MAP2K4: variants seen among roughly 807,000 people sequenced by gnomAD.
The protein encoded by MAP2K4 is mitogen-activated protein kinase kinase 4.
MAP2K4 carries 4 observed loss-of-function variants against 48.5 expected under a neutral mutation model. The observed-to-expected ratio is 0.08, with a 90% CI of 0.04 to 0.19. The LOEUF is 0.19. Among genes scored for constraint, MAP2K4 ranks in the 10% least tolerant of loss-of-function variants. The pLI is 1.00. For synonymous variants in MAP2K4, 166 were observed against 173.1 expected (o/e 0.96, Z 0.32); for missense variants, 258 against 493.3 (o/e 0.52, Z 4.52).
At chr17:12,067,902 C>T (rs757711098) in intron 2 of MAP2K4, among the ~76,000 whole-genome samples, 1 of 151,938 alleles carries the variant, frequency 6.6e-6, no homozygotes, top group Non-Finnish European at 1.5e-5. Flanking sequence ...ATTATAATCA[C>T]CTACTTGCTA....
At chr17:12,051,689 C>A (rs191756247) in intron 1 of MAP2K4, among the ~76,000 whole-genome samples, 1 of 152,190 alleles carries the variant, frequency 6.6e-6, no homozygotes, top group East Asian at 1.9e-4. Flanking sequence ...GTATCACGTC[C>A]CTCCTTTCTC....
At chr17:12,137,992 C>T (rs942533605) in intron 9 of MAP2K4, among the ~76,000 whole-genome samples, 5 of 151,870 alleles carry the variant, frequency 3.3e-5, no homozygotes, top group African/African-American at 9.7e-5. Flanking sequence ...GAAGAGAAAA[C>T]AGATTATCTG....
chr17:12,076,616 A>G (rs1186553692), intron 2 of MAP2K4, among the ~76,000 whole-genome samples: 1 of 152,170 alleles, frequency 6.6e-6, no homozygotes, highest in African/African-American at 2.4e-5. Context: ...ATATGAATTC[A>G]TGCCCTATAT....
At chr17:12,115,741 G>C (rs1972470079) in intron 7 of MAP2K4, 1 of 766,414 alleles carries the variant, frequency 1.3e-6, no homozygotes, top group African/African-American at 1.7e-5. Context: ...AATACATTGT[G>C]ACCTGTGTAA....
At position 12,141,295 on chromosome 17, in the gene MAP2K4, T is replaced by G; in HGVS notation, c.*35T>G. The G allele has an allele frequency of 1.4e-6, 2 of 1,431,970 alleles. No individual in the cohort carries two copies. Among genetic ancestry groups the G allele is most frequent in the Non-Finnish European group, 2.0e-6 (2 of 1,014,256 alleles). The allele number at this position is 1,431,970 out of a possible 1,614,324, so 88.7% of individuals were successfully genotyped here. A position where few individuals can be genotyped will look rare whatever the true frequency, so the allele number is the denominator to read the frequency against. On this transcript the variant is annotated 3_prime_UTR_variant, in exon 11 of 11. Coordinates refer to ENST00000353533, the MANE Select transcript of MAP2K4 (RefSeq NM_003010.4). Reference sequence around the variant, plus strand: ...TACATCAGACTCTAGAAAAAAGGGCTGAGAGGAAGCAAGACGTAAAGAATT... The same window carrying G: ...TACATCAGACTCTAGAAAAAAGGGCGGAGAGGAAGCAAGACGTAAAGAATT...
At chr17:12,065,107 G>C (rs28921683) in intron 2 of MAP2K4, among the ~76,000 whole-genome samples, 1 of 151,898 alleles carries the variant, frequency 6.6e-6, no homozygotes, top group Admixed American at 6.6e-5. Flanking sequence ...GGAATGCTCT[G>C]TATCTTGCTG....
At chr17:12,022,741 A>G (rs1969128317) in intron 1 of MAP2K4, among the ~76,000 whole-genome samples, 1 of 152,194 alleles carries the variant, frequency 6.6e-6, no homozygotes, top group African/African-American at 2.4e-5. Flanking sequence ...AGGGAAGGCT[A>G]TTTAGCTAAA....
rs200587573 is a variant in MAP2K4, at chr17:12,073,770, A to ATT, written c.219-7569_219-7568dup. Among the ~76,000 whole-genome samples the ATT allele has an allele frequency of 2.2e-3, 301 of 137,706 alleles. 3 individuals carry two copies. Among genetic ancestry groups the ATT allele is most frequent in the South Asian group, 0.011 (48 of 4,334 alleles). 90.3% of individuals were successfully genotyped at this position (137,706 alleles called of 152,430 possible). On this transcript the variant is annotated intron_variant, in intron 2 of 10. Transcript: ENST00000353533. ...CAGAATTTCTTCCTTCTCGTTGTAG[A>ATT]TTTTTTTTTTTTTTTTTTCTGAGAC...
chr17:12,065,178 T>A (rs998506495), intron 2 of MAP2K4, among the ~76,000 whole-genome samples: 2 of 151,888 alleles, frequency 1.3e-5, no homozygotes, highest in African/African-American at 4.8e-5. Context: ...CATATGCTTA[T>A]GATTTGTGCA....
At chr17:12,035,746 A>T (rs1567626147) in intron 1 of MAP2K4, among the ~76,000 whole-genome samples, 1 of 152,232 alleles carries the variant, frequency 6.6e-6, no homozygotes, top group Non-Finnish European at 1.5e-5. Context: ...GCATGAAATT[A>T]GATATCATTC....
chr17:12,094,574 G>T (rs1419558020), intron 3 of MAP2K4, among the ~76,000 whole-genome samples: 1 of 152,126 alleles, frequency 6.6e-6, no homozygotes, highest in African/African-American at 2.4e-5. Flanking sequence ...ATGTGACATT[G>T]TGAACTTTTT....
chr17:12,058,505 ATG>A (rs1343318423), intron 2 of MAP2K4, among the ~76,000 whole-genome samples: 1 of 151,958 alleles, frequency 6.6e-6, no homozygotes, highest in African/African-American at 2.4e-5. Flanking sequence ...GCCTCCTACC[ATG>A]TGTTATAGGT....
rs1019404246 is a variant in MAP2K4, at chr17:12,040,984, G to A, written c.116-13905G>A. Reference sequence around the variant, plus strand: ...ATTTGCTCTTTTGATTTTCTTTTTGGGTCTTTGTAAGTAACAAATTAGAAA... The same window carrying A: ...ATTTGCTCTTTTGATTTTCTTTTTGAGTCTTTGTAAGTAACAAATTAGAAA... On this transcript the variant is annotated intron_variant, in intron 1 of 10. Transcript: ENST00000353533. Among the ~76,000 whole-genome samples the A allele has an allele frequency of 1.2e-4, 18 of 151,894 alleles. 1 individual carries two copies. The highest frequency in any genetic ancestry group is 1.5e-4 in the Non-Finnish European group (10 of 67,980).
chr17:12,139,934 T>A, intron 10 of MAP2K4, 50 bp downstream of exon 10: 1 of 1,346,526 alleles, frequency 7.4e-7, no homozygotes, highest in Non-Finnish European at 1.0e-6. Flanking sequence ...CCCGGAACTC[T>A]CTTAACATGC....
At chr17:12,057,572 C>G (rs1412717730) in intron 2 of MAP2K4, among the ~76,000 whole-genome samples, 1 of 152,098 alleles carries the variant, frequency 6.6e-6, no homozygotes, top group African/African-American at 2.4e-5. Context: ...ATTCATGTAT[C>G]TCTTTTTCTG....
At chr17:12,108,877 A>C (rs552359852) in intron 5 of MAP2K4, among the ~76,000 whole-genome samples, 1 of 152,180 alleles carries the variant, frequency 6.6e-6, no homozygotes, top group African/African-American at 2.4e-5. Flanking sequence ...CTTAGACTAG[A>C]AACTTATTAT....
At chr17:12,036,240 A>G (rs1477818273) in intron 1 of MAP2K4, among the ~76,000 whole-genome samples, 2 of 152,164 alleles carry the variant, frequency 1.3e-5, no homozygotes, top group African/African-American at 4.8e-5. Context: ...TGAAGTCTGA[A>G]TGTAAGAACA....
At chr17:12,026,822 G>C (rs1283852280) in intron 1 of MAP2K4, 1 of 152,150 alleles carries the variant, frequency 6.6e-6, no homozygotes, top group East Asian at 1.9e-4. Flanking sequence ...TTGGAGCCTT[G>C]GTGCTCCAAG....
intron 9 of MAP2K4, among the ~76,000 whole-genome samples, chr17:12,131,561 C>T (rs1597500420): frequency 6.6e-6 from 1 of 152,026 alleles, no homozygotes. Flanking sequence ...AGCCACATTT[C>T]TCATGACTTC....
Sources: gnomAD v4.1 joint callset for allele counts (sites outside exome capture counted in the v4.1 genomes callset) on GRCh38, gnomAD v4.1.1 for gene constraint, MANE v1.5 for transcripts, NCBI Gene and HGNC (gene_info 2026-07-23, HGNC 2026-07-21) for gene names.